The following NHSL2 variants were observed in gnomAD, a reference collection of about 807,000 sequenced individuals.
The protein encoded by NHSL2 is NHS-like protein 2.
In NHSL2, 27 loss-of-function variants were observed where a neutral mutation model predicts 53.4. That is an observed-to-expected ratio of 0.51 (90% CI 0.37 to 0.70). The LOEUF is 0.70. Among genes scored for constraint, NHSL2 ranks in the 30% least tolerant of loss-of-function variants. The pLI, the probability that NHSL2 is intolerant of heterozygous loss-of-function variation, is 0.00. For synonymous variants in NHSL2, 408 were observed against 404.1 expected (o/e 1.01, Z -0.12); for missense variants, 892 against 980.1 (o/e 0.91, Z 1.20).
At chrX:71,967,312 C>G (rs1185490511) in intron 1 of NHSL2, among the ~76,000 whole-genome samples, 4 of 110,943 alleles carry the variant, frequency 3.6e-5, no homozygotes, top group African/African-American at 1.3e-4. Flanking sequence ...ATTTTTATTT[C>G]TTTTCTTCTG....
intron 1 of NHSL2, among the ~76,000 whole-genome samples, chrX:72,081,989 C>T (rs1033540818): frequency 8.9e-6 from 1 of 112,214 alleles, no homozygotes; most frequent in Non-Finnish European, 1.9e-5. Flanking sequence ...CAGTGAGACG[C>T]ACAAGTTGCT....
intron 1 of NHSL2, among the ~76,000 whole-genome samples, chrX:72,092,820 A>G (rs191676867): frequency 3.6e-5 from 4 of 110,438 alleles, no homozygotes; most frequent in Admixed American, 9.4e-5. Flanking sequence ...AACCCAACAG[A>G]TCTGAGTTCA....
chrX:72,066,895 C>T (rs749474751), intron 1 of NHSL2, among the ~76,000 whole-genome samples: 16 of 111,811 alleles, frequency 1.4e-4, no homozygotes, highest in Non-Finnish European at 3.0e-4. Context: ...TTTGGGAAGC[C>T]GAAGTGGGAG....
chrX:71,981,526 G>A (rs1382406564), intron 1 of NHSL2, among the ~76,000 whole-genome samples: 3 of 61,476 alleles, frequency 4.9e-5, no homozygotes, highest in African/African-American at 2.2e-4. Flanking sequence ...AACAGAGCAA[G>A]ACTCTGTCTC....
chrX:71,977,243 A>T (rs1007241185), intron 1 of NHSL2, among the ~76,000 whole-genome samples: 1 of 111,847 alleles, frequency 8.9e-6, no homozygotes, highest in Non-Finnish European at 1.9e-5. Flanking sequence ...TCGTTTTCTC[A>T]TCTGTAAAGT....
intron 1 of NHSL2, among the ~76,000 whole-genome samples, chrX:71,923,400 C>A (rs765182335): frequency 1.8e-5 from 2 of 112,128 alleles, no homozygotes; most frequent in Non-Finnish European, 3.8e-5. Flanking sequence ...GATAAAGGTA[C>A]TTCTTCCTCC....
chrX:71,983,511 T>C (rs2041989500), intron 1 of NHSL2, among the ~76,000 whole-genome samples: 1 of 108,932 alleles, frequency 9.2e-6, no homozygotes. Flanking sequence ...CTCTGGAGGC[T>C]GAGGTGTGGA....
intron 1 of NHSL2, among the ~76,000 whole-genome samples, chrX:72,053,422 T>C (rs1466235179): frequency 8.9e-6 from 1 of 112,056 alleles, no homozygotes; most frequent in African/African-American, 3.2e-5. Flanking sequence ...ACCACACTAA[T>C]TGAAATGCCT....
At chrX:72,012,445 T>A (rs749891252) in intron 1 of NHSL2, among the ~76,000 whole-genome samples, 1 of 112,738 alleles carries the variant, frequency 8.9e-6, no homozygotes, top group East Asian at 2.8e-4. Flanking sequence ...CTGGAGGCTC[T>A]AGGAGAGGAT....
rs185941611 is a variant in NHSL2 at position 71,985,066 on chromosome X, G to A, written c.280+73699G>A. On this transcript the variant is annotated intron_variant, in intron 1 of 7. Coordinates refer to ENST00000633930, the MANE Select transcript of NHSL2 (RefSeq NM_001013627.3). ...TGTCGATCTCCTGACCTCGTGGTCC[G>A]CCCACCTTGGCCTCCCAAAGTGCTG... Among the ~76,000 whole-genome samples, 34 of 110,971 alleles carry A rather than the reference G, an allele frequency of 3.1e-4. 1 individual carries two copies. The highest frequency in any genetic ancestry group is 1.1e-3 in the African/African-American group (33 of 30,543).
At chrX:72,060,326 C>A (rs1212912822) in intron 1 of NHSL2, among the ~76,000 whole-genome samples, 3 of 111,954 alleles carry the variant, frequency 2.7e-5, no homozygotes, top group Non-Finnish European at 5.6e-5. Context: ...TTTCTCCCTC[C>A]CCAGTGTCTA....
At chrX:71,915,144 A>T (rs2041622157) in intron 1 of NHSL2, among the ~76,000 whole-genome samples, 1 of 111,813 alleles carries the variant, frequency 8.9e-6, no homozygotes, top group Non-Finnish European at 1.9e-5. Flanking sequence ...AATTTCTTCC[A>T]CTTTAGAAAC....
At position 72,140,131 on chromosome X, in the gene NHSL2, C is replaced by T; in HGVS notation, c.2583C>T (p.Thr861=). 1 of 1,210,870 alleles carries T rather than the reference C, an allele frequency of 8.3e-7. No homozygotes were observed. Among genetic ancestry groups the T allele is most frequent in the Admixed American group, 2.2e-5 (1 of 45,951 alleles). ...AACCCAGAGCAGAAGAAGTCTTCAC[C>T]TTGCCAGAGAGAAAGACAAAACCTC... ...AEEPRAEEVF[T]LPERKTKPPV... is the part of the protein sequence containing the mutation. The change falls in exon 6 of 8, where the codon ACC becomes ACT. Residue 861 remains threonine, a synonymous_variant. Transcript: ENST00000633930.
intron 1 of NHSL2, among the ~76,000 whole-genome samples, chrX:72,094,967 T>C (rs1157328123): frequency 1.8e-5 from 2 of 112,172 alleles, no homozygotes; most frequent in Non-Finnish European, 3.8e-5. Context: ...AATTTTGCCA[T>C]AATGCCTCCT....
chrX:72,023,788 A>G (rs753709409), intron 1 of NHSL2, among the ~76,000 whole-genome samples: 2 of 111,922 alleles, frequency 1.8e-5, no homozygotes, highest in South Asian at 7.5e-4. Context: ...GGAAGGTTCT[A>G]TTGGAGGTTG....
chrX:72,119,288 A>AGGT (rs1246778143), intron 1 of NHSL2, among the ~76,000 whole-genome samples: 2 of 112,140 alleles, frequency 1.8e-5, no homozygotes, highest in Non-Finnish European at 3.8e-5. Context: ...TTTTAGGATC[A>AGGT]GGTGGTCAAT....
intron 1 of NHSL2, among the ~76,000 whole-genome samples, chrX:71,994,503 G>A (rs1254213043): frequency 2.7e-5 from 3 of 111,019 alleles, no homozygotes; most frequent in Non-Finnish European, 5.7e-5. Flanking sequence ...CCAGTGTGTT[G>A]CCCTATGTGA....
intron 1 of NHSL2, among the ~76,000 whole-genome samples, chrX:72,001,606 A>G (rs1418463239): frequency 1.8e-5 from 2 of 111,227 alleles, no homozygotes; most frequent in Non-Finnish European, 3.8e-5. Flanking sequence ...AACCTCCTCC[A>G]CTGAGACCAA....
intron 1 of NHSL2, among the ~76,000 whole-genome samples, chrX:72,057,479 G>A (rs1015343315): frequency 7.2e-5 from 8 of 111,522 alleles, no homozygotes; most frequent in African/African-American, 2.3e-4. Context: ...TGCACATCTC[G>A]TTGATCACTT....
Sources: allele counts gnomAD v4.1 joint callset (sites outside exome capture counted in the v4.1 genomes callset), GRCh38; gene constraint gnomAD v4.1.1; transcripts MANE v1.5; gene names NCBI Gene and HGNC (gene_info 2026-07-23, HGNC 2026-07-21).